The following MAGI2 variants were observed in gnomAD, a reference collection of about 807,000 sequenced individuals.
MAGI2 encodes membrane-associated guanylate kinase, WW and PDZ domain-containing protein 2.
In MAGI2, 35 loss-of-function variants were observed where a neutral mutation model predicts 133.3. The observed-to-expected ratio is 0.26, with a 90% confidence interval of 0.20 to 0.35. The LOEUF is 0.35. MAGI2 is among the 10% of genes least tolerant of loss of function. MAGI2 has a pLI of 1.00. For synonymous variants in MAGI2, 729 were observed against 710.6 expected (o/e 1.03, Z -0.41); for missense variants, 1,636 against 1,863.4 (o/e 0.88, Z 2.25).
intron 9 of MAGI2, among the ~76,000 whole-genome samples, chr7:78,280,697 G>A (rs1163212277): frequency 2.0e-5 from 3 of 151,956 alleles, no homozygotes; most frequent in Non-Finnish European, 4.4e-5. Context: ...AGCCAGGTGG[G>A]TGGAACCATA....
chr7:79,446,532 T>C (rs548457613), intron 1 of MAGI2, among the ~76,000 whole-genome samples: 2 of 152,170 alleles, frequency 1.3e-5, no homozygotes, highest in Admixed American at 6.5e-5. Context: ...TAAGGATTCA[T>C]GTAACGATTA....
rs1032250822 is a variant in MAGI2 at position 78,193,228 on chromosome 7, C to CA, written c.2269+1645dup. Among the ~76,000 whole-genome samples the CA allele has an allele frequency of 1.5e-3, 225 of 151,922 alleles. 1 individual carries two copies. Among genetic ancestry groups the CA allele is most frequent in the African/African-American group, 5.1e-3 (211 of 41,430 alleles). The stretch of plus-strand genomic sequence containing the variant: ...AAGCTTTGCATTGGCTAGGAAATTG[C>CA]AAAAAAGATGGAAGTGAATGATGAA... On this transcript the variant is annotated intron_variant, in intron 12 of 21. Coordinates refer to ENST00000354212, the MANE Select transcript of MAGI2 (RefSeq NM_012301.4).
chr7:78,501,814 AGT>A, intron 4 of MAGI2, 27 bp from the exon 5 acceptor site: 1 of 1,569,600 alleles, frequency 6.4e-7, no homozygotes, highest in South Asian at 1.1e-5. Flanking sequence ...GCACGTGGTT[AGT>A]CACTCCAACC....
Position 78,501,717 on chromosome 7 carries a change from T to G in MAGI2, c.825A>C (p.Pro275=). 4 of 1,614,162 alleles carry G rather than the reference T, an allele frequency of 2.5e-6. No individual in the cohort carries two copies. The Admixed American group carries it at 5.0e-5, about 20-fold the overall frequency. The change falls in exon 5 of 22, where the codon CCA becomes CCC. Residue 275 remains proline (P), a synonymous_variant. Transcript: ENST00000354212. ...TCAGCTCCTCAGGCTGACTGTACAC[T>G]GGTGCAGGATAAGGCTGGGAGGGCA... ...GEMPSQPYPA[P]VYSQPEELKE... is the part of the protein sequence containing the mutation.
intron 1 of MAGI2, among the ~76,000 whole-genome samples, chr7:79,158,075 C>T (rs1055181749): frequency 6.6e-6 from 1 of 151,606 alleles, no homozygotes; most frequent in Admixed American, 6.6e-5. Context: ...TCTCTCCATA[C>T]CATATGATAT....
intron 2 of MAGI2, among the ~76,000 whole-genome samples, chr7:78,991,078 G>A (rs1201456485): frequency 2.0e-5 from 3 of 151,716 alleles, no homozygotes; most frequent in Non-Finnish European, 2.9e-5. Flanking sequence ...TGATAGTGAA[G>A]GAGCTCTCAC....
intron 1 of MAGI2, among the ~76,000 whole-genome samples, chr7:79,380,582 A>G (rs771250651): frequency 6.6e-6 from 1 of 151,822 alleles, no homozygotes; most frequent in Non-Finnish European, 1.5e-5. Context: ...GTGATTTGGC[A>G]TAACAGCTGA....
chr7:78,507,961 T>C (rs1795233781), intron 4 of MAGI2, among the ~76,000 whole-genome samples: 1 of 152,202 alleles, frequency 6.6e-6, no homozygotes, highest in African/African-American at 2.4e-5. Flanking sequence ...GTTAAAGTCC[T>C]ATATCAAGGC....
chr7:79,091,638 A>T (rs1477703152), intron 1 of MAGI2, among the ~76,000 whole-genome samples: 1 of 151,884 alleles, frequency 6.6e-6, no homozygotes, highest in African/African-American at 2.4e-5. Context: ...AATCCTGTAA[A>T]CTAGAGGTAG....
intron 1 of MAGI2, among the ~76,000 whole-genome samples, chr7:79,018,023 T>C (rs746094299): frequency 6.6e-6 from 1 of 152,044 alleles, no homozygotes; most frequent in Non-Finnish European, 1.5e-5. Context: ...CAGAATATCA[T>C]CCATGAAAAT....
At position 78,699,140 on chromosome 7, in the gene MAGI2, C is replaced by T. The variant is rs116648473; in HGVS notation, c.419-71901G>A. ...CTGTTGTTGTTTTGAATCAGGGTCT[C>T]ACTCTGTCACCCAGGCTGGAGTGTA... On this transcript the variant is annotated intron_variant, in intron 2 of 21. Coordinates refer to ENST00000354212, the MANE Select transcript of MAGI2 (RefSeq NM_012301.4). Among the ~76,000 whole-genome samples, 281 of 152,266 alleles carry T rather than the reference C, an allele frequency of 1.8e-3. 1 individual carries two copies. The highest frequency in any genetic ancestry group is 6.4e-3 in the African/African-American group (264 of 41,552).
At chr7:79,395,456 G>A (rs780149800) in intron 1 of MAGI2, among the ~76,000 whole-genome samples, 1 of 152,284 alleles carries the variant, frequency 6.6e-6, no homozygotes, top group South Asian at 2.1e-4. Flanking sequence ...CCCGTAACGT[G>A]ATATAAGAGG....
chr7:78,876,212 A>T (rs184885253), intron 2 of MAGI2, among the ~76,000 whole-genome samples: 1 of 150,840 alleles, frequency 6.6e-6, no homozygotes. Context: ...AATCCCAGCT[A>T]CTCAGGAGGC....
intron 2 of MAGI2, among the ~76,000 whole-genome samples, chr7:78,923,526 G>A (rs1415665829): frequency 6.6e-6 from 1 of 152,118 alleles, no homozygotes; most frequent in Non-Finnish European, 1.5e-5. Flanking sequence ...TTATTTCTGA[G>A]GGCTCTGTTC....
chr7:78,508,164 C>T (rs1011169726), intron 4 of MAGI2, among the ~76,000 whole-genome samples: 1 of 152,038 alleles, frequency 6.6e-6, no homozygotes, highest in African/African-American at 2.4e-5. Flanking sequence ...AGGGTCTACC[C>T]CTACTCCAGG....
intron 9 of MAGI2, among the ~76,000 whole-genome samples, chr7:78,281,591 A>G (rs1331077157): frequency 6.6e-6 from 1 of 152,122 alleles, no homozygotes; most frequent in East Asian, 1.9e-4. Flanking sequence ...ACCCAGTCTC[A>G]GGCAGTTCTT....
At chr7:78,544,173 C>T (rs1798628915) in intron 3 of MAGI2, among the ~76,000 whole-genome samples, 1 of 152,216 alleles carries the variant, frequency 6.6e-6, no homozygotes, top group African/African-American at 2.4e-5. Context: ...TCCAATTTGG[C>T]TTAAACTGGT....
At chr7:78,029,592 G>T (rs991077306) in intron 21 of MAGI2, among the ~76,000 whole-genome samples, 2 of 152,216 alleles carry the variant, frequency 1.3e-5, no homozygotes, top group Non-Finnish European at 1.5e-5. Context: ...AGTCCCAACC[G>T]CAGAGGCCCT....
At chr7:79,252,150 C>G (rs1833330177) in intron 1 of MAGI2, among the ~76,000 whole-genome samples, 1 of 78,028 alleles carries the variant, frequency 1.3e-5, no homozygotes, top group Non-Finnish European at 2.3e-5. Context: ...GAATGAGACC[C>G]TGTCTCAAAA....
Sources: gnomAD v4.1 joint callset for allele counts (sites outside exome capture counted in the v4.1 genomes callset) on GRCh38, gnomAD v4.1.1 for gene constraint, MANE v1.5 for transcripts, NCBI Gene and HGNC (gene_info 2026-07-23, HGNC 2026-07-21) for gene names.